The following FGD5 variants were observed in gnomAD, a reference collection of about 807,000 sequenced individuals.
FGD5 encodes the protein FYVE, RhoGEF and PH domain-containing protein 5.
In FGD5, 28 loss-of-function variants were observed where a neutral mutation model predicts 133.4. The observed-to-expected ratio is 0.21, with a 90% CI of 0.16 to 0.29. The LOEUF (loss-of-function observed/expected upper bound fraction) is 0.29, where lower values mean the gene tolerates loss of function less well. Ranked by LOEUF, FGD5 falls within the 10% of genes least tolerant of loss-of-function variation. The pLI is 1.00. For synonymous variants in FGD5, 810 were observed against 776.5 expected, an observed-to-expected ratio of 1.04 and a Z score of -0.72; for missense variants, 1,858 against 1,895.2, an observed-to-expected ratio of 0.98 and a Z score of 0.36.
chr3:14,867,459 C>CT (rs1271335967), intron 2 of FGD5, among the ~76,000 whole-genome samples: 1 of 152,180 alleles, frequency 6.6e-6, no homozygotes, highest in Admixed American at 6.5e-5. Context: ...CACATACCTC[C>CT]TTATGCACAT....
At chr3:14,827,866 C>T (rs192422831) in intron 1 of FGD5, among the ~76,000 whole-genome samples, 3 of 152,254 alleles carry the variant, frequency 2.0e-5, no homozygotes, top group African/African-American at 7.2e-5. Flanking sequence ...TCTACCCGCC[C>T]GGGGCAGCAG....
At chr3:14,868,835 C>T (rs2037550083) in intron 2 of FGD5, among the ~76,000 whole-genome samples, 1 of 152,176 alleles carries the variant, frequency 6.6e-6, no homozygotes, top group Non-Finnish European at 1.5e-5. Flanking sequence ...GGCTCATTGT[C>T]AGGGAGGACC....
intron 1 of FGD5, among the ~76,000 whole-genome samples, chr3:14,824,555 T>G (rs1171846865): frequency 6.6e-6 from 1 of 152,210 alleles, no homozygotes; most frequent in Non-Finnish European, 1.5e-5. Flanking sequence ...ATTCAAAGCC[T>G]AAGGTCCCAA....
intron 1 of FGD5, among the ~76,000 whole-genome samples, chr3:14,862,531 G>A (rs2037418596): frequency 6.6e-6 from 1 of 152,198 alleles, no homozygotes. Flanking sequence ...TGAGACAGGA[G>A]GGAGGCTTTG....
chr3:14,852,857 G>A (rs1002971449), intron 1 of FGD5, among the ~76,000 whole-genome samples: 5 of 152,198 alleles, frequency 3.3e-5, no homozygotes, highest in African/African-American at 4.8e-5. Flanking sequence ...CAGACACGAC[G>A]AGGCACCAGG....
chr3:14,853,005 CTT>C (rs957364102), intron 1 of FGD5, among the ~76,000 whole-genome samples: 101 of 152,274 alleles, frequency 6.6e-4, no homozygotes, highest in African/African-American at 2.2e-3. Context: ...GATGTGGAAA[CTT>C]AGCCTCCCCA....
intron 4 of FGD5, among the ~76,000 whole-genome samples, chr3:14,882,756 G>T (rs1280603169): frequency 6.6e-6 from 1 of 151,752 alleles, no homozygotes; most frequent in East Asian, 1.9e-4. Flanking sequence ...GTGGTCTGGA[G>T]CTGTATTTTA....
intron 1 of FGD5, among the ~76,000 whole-genome samples, chr3:14,811,907 G>T (rs2036299744): frequency 6.6e-6 from 1 of 151,932 alleles, no homozygotes; most frequent in African/African-American, 2.4e-5. Context: ...CCCGCTCCCC[G>T]ACCAACACCC....
At chr3:14,898,563 G>A (rs2038178632) in intron 6 of FGD5, among the ~76,000 whole-genome samples, 176 bp from the exon 7 acceptor site, 1 of 152,146 alleles carries the variant, frequency 6.6e-6, no homozygotes, top group Non-Finnish European at 1.5e-5. Context: ...TTACAGCAGG[G>A]CCGGGCTAAT....
intron 19 of FGD5, 36 bp from the exon 20 acceptor site, chr3:14,933,095 C>T (rs544951637): frequency 1.5e-5 from 24 of 1,608,466 alleles, no homozygotes; most frequent in African/African-American, 5.3e-5. Flanking sequence ...TAGGCAGAGC[C>T]GCAAAACCAA....
At chr3:14,910,015 C>T (rs763937900) in intron 10 of FGD5, among the ~76,000 whole-genome samples, 5 of 152,102 alleles carry the variant, frequency 3.3e-5, no homozygotes, top group Non-Finnish European at 7.4e-5. Context: ...CTGCCTGCCT[C>T]AGCCTCCCAA....
intron 17 of FGD5, 60 bp from the exon 18 acceptor site, chr3:14,926,010 T>C (rs569924265): frequency 3.1e-5 from 49 of 1,600,924 alleles, no homozygotes; most frequent in Non-Finnish European, 4.1e-5. Context: ...TGAATTGTGC[T>C]CTGTTTGAAC....
intron 1 of FGD5, among the ~76,000 whole-genome samples, chr3:14,844,217 A>AAAAAAAAAAAAT (rs1559477363): frequency 4.9e-5 from 1 of 20,384 alleles, no homozygotes; most frequent in Non-Finnish European, 8.5e-5. Context: ...AAAAAAAAAA[A>AAAAAAAAAAAAT]ATATATATAT....
At chr3:14,826,413 G>A (rs1484282901) in intron 1 of FGD5, among the ~76,000 whole-genome samples, 1 of 152,112 alleles carries the variant, frequency 6.6e-6, no homozygotes, top group Admixed American at 6.5e-5. Context: ...ACCGTGGCCC[G>A]AGGAGAGCCT....
intron 13 of FGD5, among the ~76,000 whole-genome samples, 194 bp downstream of exon 13, chr3:14,919,027 C>T (rs982742531): frequency 6.6e-6 from 1 of 151,980 alleles, no homozygotes; most frequent in African/African-American, 2.4e-5. Context: ...TTTTCTCCCC[C>T]CAAAAAATGT....
intron 2 of FGD5, among the ~76,000 whole-genome samples, chr3:14,875,502 G>A (rs1263244687): frequency 6.6e-6 from 1 of 152,214 alleles, no homozygotes; most frequent in Admixed American, 6.5e-5. Context: ...ATCACCTGGA[G>A]CTCCATGTGG....
chr3:14,902,873 C>T (rs925809460), intron 9 of FGD5, among the ~76,000 whole-genome samples: 3 of 152,226 alleles, frequency 2.0e-5, no homozygotes, highest in African/African-American at 7.2e-5. Context: ...GGAGCTTGCA[C>T]ACACAGCCCC....
intron 4 of FGD5, among the ~76,000 whole-genome samples, chr3:14,893,752 C>CTTTTTTTTTTTTTTTTTTT (rs138741627): frequency 3.3e-4 from 31 of 95,050 alleles, no homozygotes; most frequent in Non-Finnish European, 4.7e-4. Flanking sequence ...TTTCTTTTTT[C>CTTTTTTTTTTTTTTTTTTT]TTTTTTTTTT....
At chr3:14,932,754 T>C in intron 19 of FGD5, 23 bp downstream of exon 19, 2 of 1,603,848 alleles carry the variant, frequency 1.2e-6, no homozygotes, top group Non-Finnish European at 1.7e-6. Flanking sequence ...CTAATTAGTC[T>C]TATAGCTTTT....
Sources: gnomAD v4.1 joint callset for allele counts (sites outside exome capture counted in the v4.1 genomes callset) on GRCh38, gnomAD v4.1.1 for gene constraint, MANE v1.5 for transcripts, NCBI Gene and HGNC (gene_info 2026-07-23, HGNC 2026-07-21) for gene names.